CADM2: variants seen among roughly 807,000 people sequenced by gnomAD.
CADM2 encodes cell adhesion molecule 2, also known as immunoglobulin superfamily member 4D.
In CADM2, 12 loss-of-function variants were observed where a neutral mutation model predicts 49.8. The ratio of observed to expected loss-of-function variants is 0.24; its 90% CI spans 0.15 to 0.39. The LOEUF is 0.39. Ranked by LOEUF, CADM2 falls within the 10% of genes least tolerant of loss-of-function variation. The pLI is 1.00. For synonymous variants in CADM2, 214 were observed against 175.4 expected (o/e 1.22, Z -1.74); for missense variants, 378 against 492.3 (o/e 0.77, Z 2.20).
At chr3:85,340,256 C>G (rs1279770719) in intron 1 of CADM2, among the ~76,000 whole-genome samples, 2 of 151,392 alleles carry the variant, frequency 1.3e-5, no homozygotes, top group African/African-American at 4.8e-5. Context: ...GGCTAGAACT[C>G]TTTATAAAGA....
intron 1 of CADM2, among the ~76,000 whole-genome samples, chr3:85,278,521 G>C (rs980637415): frequency 6.6e-6 from 1 of 151,242 alleles, no homozygotes; most frequent in Non-Finnish European, 1.5e-5. Flanking sequence ...GATTTTACAC[G>C]TTCTTTTCTT....
chr3:85,673,102 G>T (rs910694799), intron 1 of CADM2, among the ~76,000 whole-genome samples: 2 of 152,246 alleles, frequency 1.3e-5, no homozygotes, highest in East Asian at 1.9e-4. Context: ...GATGTAAATT[G>T]TCTGTCTTCT....
intron 1 of CADM2, among the ~76,000 whole-genome samples, chr3:85,223,622 T>C (rs1225821885): frequency 6.6e-6 from 1 of 152,002 alleles, no homozygotes; most frequent in Admixed American, 6.6e-5. Flanking sequence ...TTTTTATTAC[T>C]CTTTAAGTTC....
At chr3:85,939,917 G>T (rs1254494502) in intron 7 of CADM2, among the ~76,000 whole-genome samples, 1 of 149,666 alleles carries the variant, frequency 6.7e-6, no homozygotes, top group Non-Finnish European at 1.5e-5. Flanking sequence ...GTGTTTTAGA[G>T]AAATAATTAC....
chr3:85,608,583 A>C (rs932786634), intron 1 of CADM2, among the ~76,000 whole-genome samples: 1 of 152,266 alleles, frequency 6.6e-6, no homozygotes, highest in Admixed American at 6.5e-5. Flanking sequence ...AATCGATGGG[A>C]TAAAGCATCC....
intron 1 of CADM2, among the ~76,000 whole-genome samples, chr3:85,571,492 T>C (rs1031093497): frequency 6.6e-6 from 1 of 152,256 alleles, no homozygotes; most frequent in Non-Finnish European, 1.5e-5. Context: ...CATGTGCACA[T>C]GTGTGTATTT....
intron 3 of CADM2, among the ~76,000 whole-genome samples, chr3:85,854,974 TA>T (rs552473808): frequency 5.3e-4 from 81 of 152,256 alleles, no homozygotes; most frequent in African/African-American, 1.9e-3. Flanking sequence ...TATTCCATAG[TA>T]AGAAGGAGAA....
intron 1 of CADM2, among the ~76,000 whole-genome samples, chr3:85,100,801 G>A (rs1415913520): frequency 6.6e-6 from 1 of 152,138 alleles, no homozygotes; most frequent in Non-Finnish European, 1.5e-5. Flanking sequence ...ATTTTTAAGT[G>A]CATGTAATTC....
intron 5 of CADM2, among the ~76,000 whole-genome samples, chr3:85,900,057 T>C (rs923805553): frequency 6.6e-6 from 1 of 152,200 alleles, no homozygotes; most frequent in South Asian, 2.1e-4. Context: ...TTCTCCTCCA[T>C]GCAACGCATC....
intron 1 of CADM2, among the ~76,000 whole-genome samples, chr3:85,343,163 T>A (rs2030122691): frequency 6.6e-6 from 1 of 152,166 alleles, no homozygotes; most frequent in South Asian, 2.1e-4. Context: ...TTGCACGATG[T>A]ACAGCACAGC....
chr3:86,019,554 T>G (rs1247027906), intron 8 of CADM2, among the ~76,000 whole-genome samples: 2 of 148,234 alleles, frequency 1.3e-5, no homozygotes, highest in African/African-American at 2.5e-5. Flanking sequence ...TTTATTTCCT[T>G]GAGCAGTGGT....
At chr3:85,561,385 C>A (rs1014210397) in intron 1 of CADM2, among the ~76,000 whole-genome samples, 3 of 152,038 alleles carry the variant, frequency 2.0e-5, no homozygotes, top group Non-Finnish European at 4.4e-5. Flanking sequence ...GTTTGATGTT[C>A]GATTTGAGGA....
chr3:85,984,637 A>G (rs1478194098), intron 8 of CADM2, among the ~76,000 whole-genome samples: 1 of 151,918 alleles, frequency 6.6e-6, no homozygotes, highest in Non-Finnish European at 1.5e-5. Flanking sequence ...GATCTGATAG[A>G]TATGGAAAGA....
rs1241083875 is a variant in CADM2 at position 85,845,410 on chromosome 3, T to C, written c.239-37881T>C. Among the ~76,000 whole-genome samples the C allele has an allele frequency of 2.0e-5, 3 of 152,162 alleles. No homozygotes were observed. The East Asian group carries it at 5.8e-4, about 29-fold the overall frequency. The stretch of plus-strand genomic sequence containing the variant: ...CTCTCAGAGTTTGGAAGATTCCTTC[T>C]CCTTTCTTGTAACTATGTTCAATCC... On this transcript the variant is annotated intron_variant, in intron 3 of 9. Coordinates refer to ENST00000383699, the MANE Select transcript of CADM2 (RefSeq NM_001167675.2).
chr3:85,781,834 A>C (rs1439466501), intron 2 of CADM2, among the ~76,000 whole-genome samples: 2 of 152,222 alleles, frequency 1.3e-5, no homozygotes, highest in Admixed American at 6.5e-5. Flanking sequence ...AAGAAATTTA[A>C]AATTAACAAT....
chr3:85,561,966 G>A (rs533246618), intron 1 of CADM2, among the ~76,000 whole-genome samples: 26 of 152,066 alleles, frequency 1.7e-4, no homozygotes, highest in African/African-American at 6.3e-4. Context: ...GATGAAAATA[G>A]GAAAAATCTA....
chr3:85,972,839 A>G (rs1413355422), intron 8 of CADM2, among the ~76,000 whole-genome samples: 1 of 151,758 alleles, frequency 6.6e-6, no homozygotes, highest in Non-Finnish European at 1.5e-5. Flanking sequence ...TGCTCTAATA[A>G]GCTCCAATAA....
intron 8 of CADM2, among the ~76,000 whole-genome samples, chr3:86,023,917 T>C (rs1434544217): frequency 6.6e-6 from 1 of 152,210 alleles, no homozygotes; most frequent in Non-Finnish European, 1.5e-5. Flanking sequence ...TCCTTGTTTC[T>C]ATTTCCCACT....
chr3:85,819,785 C>G (rs1350546421), intron 3 of CADM2, among the ~76,000 whole-genome samples: 1 of 151,972 alleles, frequency 6.6e-6, no homozygotes, highest in South Asian at 2.1e-4. Flanking sequence ...TGCAGTTTTT[C>G]TAGGCGCTTG....
Sources: gnomAD v4.1 joint callset for allele counts (sites outside exome capture counted in the v4.1 genomes callset) on GRCh38, gnomAD v4.1.1 for gene constraint, MANE v1.5 for transcripts, NCBI Gene and HGNC (gene_info 2026-07-23, HGNC 2026-07-21) for gene names.